ZRANB3: variants seen among roughly 807,000 people sequenced by gnomAD.
The protein encoded by ZRANB3 is zinc finger RANBP2-type containing 3.
In ZRANB3, 125 loss-of-function variants were observed where a neutral mutation model predicts 133.8. The observed-to-expected ratio is 0.93, with a 90% CI of 0.81 to 1.08. The LOEUF is 1.08. ZRANB3 is among the 50% of genes least tolerant of loss of function. ZRANB3 has a pLI of 0.00. For synonymous variants in ZRANB3, 387 were observed against 432.7 expected (o/e 0.89, Z 1.31); for missense variants, 1,229 against 1,275.5 (o/e 0.96, Z 0.56).
intron 8 of ZRANB3, among the ~76,000 whole-genome samples, chr2:135,296,471 C>T (rs1286579409): frequency 2.0e-5 from 3 of 152,092 alleles, no homozygotes; most frequent in African/African-American, 7.2e-5. Flanking sequence ...TTCTAGTTAG[C>T]CATTCGTCTA....
At chr2:135,499,664 C>T (rs543077069) in intron 2 of ZRANB3, among the ~76,000 whole-genome samples, 6 of 152,168 alleles carry the variant, frequency 3.9e-5, no homozygotes, top group Non-Finnish European at 7.4e-5. Flanking sequence ...CACTATATAC[C>T]TACCAGAATA....
chr2:135,298,301 C>G (rs892009909), intron 8 of ZRANB3, among the ~76,000 whole-genome samples: 1 of 152,110 alleles, frequency 6.6e-6, no homozygotes, highest in Non-Finnish European at 1.5e-5. Context: ...AATAATTGAC[C>G]TCTGAATTCT....
chr2:135,234,220 G>C (rs1009650162), intron 12 of ZRANB3, among the ~76,000 whole-genome samples: 1 of 152,172 alleles, frequency 6.6e-6, no homozygotes, highest in Non-Finnish European at 1.5e-5. Context: ...ATGGTAAAGG[G>C]ATCAATTCAA....
At chr2:135,230,995 C>G in intron 12 of ZRANB3, 68 bp from the exon 13 acceptor site, 2 of 1,407,144 alleles carry the variant, frequency 1.4e-6, no homozygotes, top group South Asian at 3.2e-5. Flanking sequence ...CATAAAAGAG[C>G]TTAACAAAAT....
intron 8 of ZRANB3, among the ~76,000 whole-genome samples, chr2:135,307,544 A>G (rs527461700): frequency 8.5e-5 from 13 of 152,268 alleles, no homozygotes; most frequent in African/African-American, 3.1e-4. Flanking sequence ...ATTCATAGCT[A>G]TCTTAAAGCC....
At chr2:135,503,726 G>A (rs758264729) in intron 2 of ZRANB3, among the ~76,000 whole-genome samples, 16 of 152,176 alleles carry the variant, frequency 1.1e-4, no homozygotes, top group East Asian at 3.9e-4. Context: ...TTTGGGAGGC[G>A]GGGCAGAAGG....
chr2:135,379,133 AC>A, intron 3 of ZRANB3, among the ~76,000 whole-genome samples: 1 of 152,118 alleles, frequency 6.6e-6, no homozygotes, highest in Non-Finnish European at 1.5e-5. Flanking sequence ...GTATACAGGA[AC>A]TCTGTAATAT....
intron 8 of ZRANB3, among the ~76,000 whole-genome samples, chr2:135,292,001 G>A (rs1461704090): frequency 6.6e-6 from 1 of 152,136 alleles, no homozygotes; most frequent in Non-Finnish European, 1.5e-5. Flanking sequence ...ATCATTGTTG[G>A]ACATTTGGGT....
intron 2 of ZRANB3, among the ~76,000 whole-genome samples, chr2:135,472,436 C>G (rs1260311693): frequency 9.8e-4 from 145 of 147,878 alleles, no homozygotes; most frequent in Middle Eastern, 7.2e-3. Context: ...GGAGGCGGAG[C>G]TTGCAGTGAG....
At chr2:135,356,530 G>C (rs530216624) in intron 3 of ZRANB3, among the ~76,000 whole-genome samples, 1 of 152,076 alleles carries the variant, frequency 6.6e-6, no homozygotes. Flanking sequence ...CTGATATGCT[G>C]GGAAGTTTAT....
At chr2:135,387,979 G>C (rs1181413011) in intron 3 of ZRANB3, among the ~76,000 whole-genome samples, 3 of 152,168 alleles carry the variant, frequency 2.0e-5, no homozygotes, top group Admixed American at 6.6e-5. Context: ...TAAGAGTTAA[G>C]AAGGTGTCTT....
At chr2:135,405,338 C>A (rs991133514) in intron 2 of ZRANB3, among the ~76,000 whole-genome samples, 1 of 152,170 alleles carries the variant, frequency 6.6e-6, no homozygotes, top group Non-Finnish European at 1.5e-5. Flanking sequence ...GAGTGACATA[C>A]AAAGAGACTT....
At position 135,385,012 on chromosome 2, in the gene ZRANB3, A is replaced by G. The variant is rs564785786; in HGVS notation, c.180+5790T>C. 2.0e-4 allele frequency among the ~76,000 whole-genome samples: 31 copies of G among 152,266 alleles called. No homozygotes were observed. The South Asian group carries it at 5.7e-3, about 28-fold the overall frequency. On this transcript the variant is annotated intron_variant, in intron 3 of 20. Transcript: ENST00000264159. ...TGGCCAGGGCAATAAGGCAGGAGAA[A>G]GAAATAAAGGGTATTGAAATAGGAA...
At chr2:135,238,276 A>G (rs1695392838) in intron 12 of ZRANB3, among the ~76,000 whole-genome samples, 1 of 152,190 alleles carries the variant, frequency 6.6e-6, no homozygotes, top group African/African-American at 2.4e-5. Flanking sequence ...TCTTCATACA[A>G]TGTGACACTG....
At position 135,423,408 on chromosome 2, in the gene ZRANB3, C is replaced by T. The variant is rs540932035; in HGVS notation, c.162-32588G>A. Among the ~76,000 whole-genome samples, 86 of 152,100 alleles carry T rather than the reference C, an allele frequency of 5.7e-4. 2 individuals carry two copies. The highest frequency in any genetic ancestry group is 3.9e-4 in the East Asian group (2 of 5,174). On this transcript the variant is annotated intron_variant, in intron 2 of 20. Transcript: ENST00000264159. ...ATCGTGCCACTGCACTCTAGCCTGGCGACAAAGTGAGACCCTGTCTCAAAA... is the reference window on the plus strand; with the variant it reads ...ATCGTGCCACTGCACTCTAGCCTGGTGACAAAGTGAGACCCTGTCTCAAAA...
chr2:135,359,385 AC>A (rs1685573373), intron 3 of ZRANB3, among the ~76,000 whole-genome samples: 4 of 152,006 alleles, frequency 2.6e-5, no homozygotes, highest in Non-Finnish European at 5.9e-5. Context: ...GGAGTTCAAG[AC>A]CAGTTTGGGC....
At chr2:135,435,068 G>A (rs945779528) in intron 2 of ZRANB3, among the ~76,000 whole-genome samples, 23 of 151,540 alleles carry the variant, frequency 1.5e-4, no homozygotes, top group African/African-American at 4.4e-4. Context: ...GGGGTTTGTT[G>A]TACATATTAT....
intron 12 of ZRANB3, among the ~76,000 whole-genome samples, chr2:135,250,256 T>C (rs1263873452): frequency 6.6e-6 from 1 of 152,102 alleles, no homozygotes; most frequent in East Asian, 1.9e-4. Context: ...ACAGAAGAAA[T>C]TTCTAAGGAG....
At chr2:135,402,695 T>A (rs1687794664) in intron 2 of ZRANB3, among the ~76,000 whole-genome samples, 2 of 151,880 alleles carry the variant, frequency 1.3e-5, no homozygotes. Flanking sequence ...CAAGCGATTC[T>A]CCTGCTCAGC....
Sources: allele counts gnomAD v4.1 joint callset (sites outside exome capture counted in the v4.1 genomes callset), GRCh38; gene constraint gnomAD v4.1.1; transcripts MANE v1.5; gene names NCBI Gene and HGNC (gene_info 2026-07-23, HGNC 2026-07-21).